The following SYNPR variants were observed in gnomAD, a reference collection of about 807,000 sequenced individuals.
The protein encoded by SYNPR is synaptoporin.
In SYNPR, 23 loss-of-function variants were observed where a neutral mutation model predicts 32.9. That is an observed-to-expected ratio of 0.70 (90% CI 0.50 to 0.99). The LOEUF (loss-of-function observed/expected upper bound fraction) is 0.99. Among genes scored for constraint, SYNPR ranks in the 50% least tolerant of loss-of-function variants. The probability of loss-of-function intolerance (pLI) is 0.00; values close to 1 mark genes in which losing one functional copy is unlikely to be tolerated. For missense variants in SYNPR, 318 were observed against 349.3 expected (o/e 0.91, Z 0.71); for synonymous variants, 146 against 135.9 (o/e 1.07, Z -0.52).
intron 4 of SYNPR, among the ~76,000 whole-genome samples, chr3:63,593,013 T>G (rs771048479): frequency 2.0e-5 from 3 of 152,076 alleles, no homozygotes; most frequent in African/African-American, 4.8e-5. Context: ...CAGGACTGCC[T>G]GATTTCAAAG....
chr3:63,252,473 G>T (rs1036657948), intron 1 of SYNPR: 5 of 152,160 alleles, frequency 3.3e-5, no homozygotes, highest in African/African-American at 7.2e-5. Flanking sequence ...CTGCCAGAGA[G>T]AATTAATTTC....
At chr3:63,480,623 T>C (rs1282739400) in intron 2 of SYNPR, among the ~76,000 whole-genome samples, 1 of 152,206 alleles carries the variant, frequency 6.6e-6, no homozygotes, top group African/African-American at 2.4e-5. Context: ...AAGCCACATT[T>C]CTTTCACTTG....
Position 63,340,084 on chromosome 3 carries a change from T to C in SYNPR, c.84+61342T>C, listed in dbSNP as rs558948078. On this transcript the variant is annotated intron_variant, in intron 2 of 5. Transcript: ENST00000478300. ...CTTATATAAATATAATTATACATAATGTAACCCTTGGGGACTGGAGGTTTT... is the reference window on the plus strand; with the variant it reads ...CTTATATAAATATAATTATACATAACGTAACCCTTGGGGACTGGAGGTTTT... Among the ~76,000 whole-genome samples the C allele has an allele frequency of 3.3e-4, 51 of 152,344 alleles. No individual in the cohort carries two copies. In the South Asian group the frequency reaches 9.3e-3, roughly 28 times the overall value.
chr3:63,519,395 A>C (rs1025681761), intron 3 of SYNPR, among the ~76,000 whole-genome samples: 2 of 152,222 alleles, frequency 1.3e-5, no homozygotes, highest in East Asian at 3.8e-4. Context: ...TAAAAGGATT[A>C]ATAGAGATAA....
At chr3:63,375,712 A>C (rs1283840243) in intron 2 of SYNPR, among the ~76,000 whole-genome samples, 2 of 151,566 alleles carry the variant, frequency 1.3e-5, no homozygotes, top group Non-Finnish European at 2.9e-5. Flanking sequence ...TAGAACTTAA[A>C]GTATAATAAT....
At chr3:63,243,066 A>C (rs945447120) in intron 1 of SYNPR, among the ~76,000 whole-genome samples, 2 of 152,124 alleles carry the variant, frequency 1.3e-5, no homozygotes, top group African/African-American at 4.8e-5. Flanking sequence ...AAGTTAAGGC[A>C]GAAAATAGGA....
intron 4 of SYNPR, among the ~76,000 whole-genome samples, chr3:63,572,207 T>C (rs1469921555): frequency 6.6e-6 from 1 of 152,176 alleles, no homozygotes; most frequent in Non-Finnish European, 1.5e-5. Flanking sequence ...TCTTGCTACC[T>C]ACTAAATCAA....
At chr3:63,507,051 G>A (rs1701601987) in intron 3 of SYNPR, among the ~76,000 whole-genome samples, 1 of 152,060 alleles carries the variant, frequency 6.6e-6, no homozygotes, top group Non-Finnish European at 1.5e-5. Context: ...GATGGCCGAG[G>A]TGGGAGAATC....
At chr3:63,282,319 T>G (rs2086637856) in intron 2 of SYNPR, among the ~76,000 whole-genome samples, 1 of 152,250 alleles carries the variant, frequency 6.6e-6, no homozygotes, top group Non-Finnish European at 1.5e-5. Flanking sequence ...CAGTTGCTTT[T>G]AAAATCAGAA....
chr3:63,517,346 G>A (rs1360446189), intron 3 of SYNPR, among the ~76,000 whole-genome samples: 5 of 152,120 alleles, frequency 3.3e-5, no homozygotes, highest in African/African-American at 1.2e-4. Context: ...GTGCTTAGTA[G>A]AGTGCTTGGC....
chr3:63,403,087 C>T (rs559579473), intron 2 of SYNPR, among the ~76,000 whole-genome samples: 8 of 152,142 alleles, frequency 5.3e-5, no homozygotes, highest in African/African-American at 9.6e-5. Flanking sequence ...TACTTCTTCC[C>T]GAGTAACATA....
rs188297999 is a variant in SYNPR, at chr3:63,462,573, G to A, written c.85-18259G>A. ...ATTAACCTCCAATTTAGGTCGCTGA[G>A]TTATACTTTATTCCCAGGACATGAG... is the stretch of plus-strand genomic sequence containing the variant. On this transcript the variant is annotated intron_variant, in intron 2 of 5. Transcript: ENST00000478300. Among the ~76,000 whole-genome samples, 311 of 152,232 alleles carry A rather than the reference G, an allele frequency of 2.0e-3. 2 individuals carry two copies. The highest frequency in any genetic ancestry group is 0.017 in the Admixed American group (265 of 15,294).
At chr3:63,600,748 T>C (rs1189079294) in intron 4 of SYNPR, among the ~76,000 whole-genome samples, 1 of 152,124 alleles carries the variant, frequency 6.6e-6, no homozygotes, top group African/African-American at 2.4e-5. Flanking sequence ...TTGCTTCCCC[T>C]TCACCTTCTG....
At chr3:63,432,546 G>C (rs1037116706) in intron 2 of SYNPR, among the ~76,000 whole-genome samples, 17 of 152,316 alleles carry the variant, frequency 1.1e-4, no homozygotes, top group Admixed American at 1.1e-3. Flanking sequence ...GCTTAGGAAA[G>C]GGCCTGGTGC....
At chr3:63,390,737 G>A (rs1021622504) in intron 2 of SYNPR, among the ~76,000 whole-genome samples, 1 of 152,062 alleles carries the variant, frequency 6.6e-6, no homozygotes, top group Non-Finnish European at 1.5e-5. Context: ...CCCCTCCTCG[G>A]GGCCTTCCCC....
At chr3:63,269,800 C>G (rs1033566635) in intron 3 of SYNPR, among the ~76,000 whole-genome samples, 4 of 152,282 alleles carry the variant, frequency 2.6e-5, no homozygotes, top group Middle Eastern at 3.4e-3. Flanking sequence ...ATGTGCCAGA[C>G]ACTGAGCTTA....
intron 4 of SYNPR, among the ~76,000 whole-genome samples, chr3:63,580,158 A>G (rs1037175343): frequency 2.4e-4 from 36 of 152,134 alleles, no homozygotes; most frequent in Admixed American, 1.7e-3. Context: ...AAAGTTCATC[A>G]AAACCACTGT....
rs113363466 is a variant in SYNPR at position 63,352,318 on chromosome 3, G to T, written c.84+73576G>T. ...CACCCAGTTCTCGAAGTGAATAAAAGAATCTCCTGAGGAGCTTTTCAAACC... is the reference window on the plus strand; with the variant it reads ...CACCCAGTTCTCGAAGTGAATAAAATAATCTCCTGAGGAGCTTTTCAAACC... On this transcript the variant is annotated intron_variant, in intron 2 of 5. Coordinates refer to ENST00000478300, the MANE Select transcript of SYNPR (RefSeq NM_001130003.2). Among the ~76,000 whole-genome samples, 248 of 152,252 alleles carry T rather than the reference G, an allele frequency of 1.6e-3. 1 individual carries two copies. The highest frequency in any genetic ancestry group is 5.5e-3 in the African/African-American group (227 of 41,538).
chr3:63,264,684 C>T (rs1432689713), intron 2 of SYNPR, among the ~76,000 whole-genome samples: 1 of 152,106 alleles, frequency 6.6e-6, no homozygotes, highest in African/African-American at 2.4e-5. Context: ...GGAAATACCC[C>T]AGACTGGGTA....
Sources: allele counts gnomAD v4.1 joint callset (sites outside exome capture counted in the v4.1 genomes callset), GRCh38; gene constraint gnomAD v4.1.1; transcripts MANE v1.5; gene names NCBI Gene and HGNC (gene_info 2026-07-23, HGNC 2026-07-21).